The following CFAP20DC variants were observed in gnomAD, a reference collection of about 807,000 sequenced individuals.
CFAP20DC encodes protein CFAP20DC.
In CFAP20DC, 84 loss-of-function variants were observed where a neutral mutation model predicts 101.7. The ratio of observed to expected loss-of-function variants is 0.83; its 90% CI spans 0.69 to 0.99. CFAP20DC has a LOEUF of 0.99. CFAP20DC is among the 50% of genes least tolerant of loss of function. The pLI is 0.00. For missense variants in CFAP20DC, 1,007 were observed against 970.3 expected (o/e 1.04, Z -0.50); for synonymous variants, 359 against 351.2 (o/e 1.02, Z -0.25).
At chr3:58,942,211 A>T (rs551690900) in intron 4 of CFAP20DC, among the ~76,000 whole-genome samples, 3 of 152,208 alleles carry the variant, frequency 2.0e-5, no homozygotes, top group African/African-American at 7.2e-5. Flanking sequence ...TCTTGGAGGA[A>T]ATTTCAATTG....
At chr3:58,895,046 G>A (rs1159340964) in intron 6 of CFAP20DC, among the ~76,000 whole-genome samples, 1 of 152,200 alleles carries the variant, frequency 6.6e-6, no homozygotes, top group Non-Finnish European at 1.5e-5. Context: ...GGTGACCCTG[G>A]GCCTGGCCCA....
At chr3:58,747,386 A>G (rs2068277648) in intron 16 of CFAP20DC, among the ~76,000 whole-genome samples, 1 of 152,188 alleles carries the variant, frequency 6.6e-6, no homozygotes. Flanking sequence ...GTCAATTAAT[A>G]TAAATGTTTA....
intron 13 of CFAP20DC, among the ~76,000 whole-genome samples, chr3:58,841,327 T>C (rs570766965): frequency 1.3e-5 from 2 of 152,238 alleles, no homozygotes; most frequent in African/African-American, 2.4e-5. Context: ...GAGTGGCAAA[T>C]GGAAAGAGAG....
chr3:58,886,070 A>G (rs1340562234), intron 6 of CFAP20DC, among the ~76,000 whole-genome samples: 1 of 152,164 alleles, frequency 6.6e-6, no homozygotes, highest in Non-Finnish European at 1.5e-5. Context: ...GCAAGTGGGA[A>G]TATAAATTAG....
intron 15 of CFAP20DC, among the ~76,000 whole-genome samples, chr3:58,761,527 T>G (rs2069594867): frequency 6.6e-6 from 1 of 152,216 alleles, no homozygotes; most frequent in South Asian, 2.1e-4. Flanking sequence ...TTTTTGTGTC[T>G]CTATTTCCTT....
intron 15 of CFAP20DC, among the ~76,000 whole-genome samples, chr3:58,758,929 G>C (rs907291782): frequency 6.6e-6 from 1 of 151,992 alleles, no homozygotes; most frequent in Non-Finnish European, 1.5e-5. Context: ...TCTTAATCCA[G>C]TCTATCATTG....
chr3:58,992,704 A>C (rs2092981296), intron 4 of CFAP20DC: 2 of 246,910 alleles, frequency 8.1e-6, no homozygotes, highest in South Asian at 3.0e-4. Context: ...TAATGAAGAC[A>C]TTATATAAAA....
intron 15 of CFAP20DC, among the ~76,000 whole-genome samples, chr3:58,779,683 GA>G (rs1388543858): frequency 6.6e-6 from 1 of 152,064 alleles, no homozygotes; most frequent in Non-Finnish European, 1.5e-5. Context: ...GAATAAAAAA[GA>G]AGGAGCAAAA....
chr3:58,948,549 CCA>C (rs2089666655), intron 4 of CFAP20DC, among the ~76,000 whole-genome samples: 1 of 152,084 alleles, frequency 6.6e-6, no homozygotes, highest in Non-Finnish European at 1.5e-5. Flanking sequence ...CCCATATATT[CCA>C]GTTTTGTCAC....
At chr3:58,929,316 T>C (rs1157682105) in intron 5 of CFAP20DC, among the ~76,000 whole-genome samples, 1 of 152,340 alleles carries the variant, frequency 6.6e-6, no homozygotes, top group Non-Finnish European at 1.5e-5. Context: ...GTTAGTTAAC[T>C]GACAAGGGTG....
chr3:58,890,442 C>A (rs1439046973), intron 6 of CFAP20DC, among the ~76,000 whole-genome samples: 1 of 142,094 alleles, frequency 7.0e-6, no homozygotes, highest in African/African-American at 2.7e-5. Flanking sequence ...GGGGGCTGAC[C>A]CCCCCCACGT....
intron 4 of CFAP20DC, among the ~76,000 whole-genome samples, chr3:59,036,009 A>G (rs2094095702): frequency 6.6e-6 from 1 of 152,212 alleles, no homozygotes; most frequent in African/African-American, 2.4e-5. Context: ...ACGCAAATCA[A>G]TCAACATAAT....
chr3:59,034,780 C>A lies in CFAP20DC; in HGVS notation c.278+4777G>T, dbSNP rs144921820. On this transcript the variant is annotated intron_variant, in intron 4 of 16. Transcript: ENST00000482387. The stretch of plus-strand genomic sequence containing the variant: ...ACACCCCACTGTCAATATTAGACAG[C>A]TCAATGAGACAGAAAATTAACAAGG... Among the ~76,000 whole-genome samples, 15 of 152,110 alleles carry A rather than the reference C, an allele frequency of 9.9e-5. No individual in the cohort carries two copies. In the East Asian group the frequency reaches 2.1e-3, roughly 22 times the overall value.
intron 4 of CFAP20DC, among the ~76,000 whole-genome samples, chr3:58,979,137 A>T (rs1201929903): frequency 6.6e-6 from 1 of 152,174 alleles, no homozygotes; most frequent in Non-Finnish European, 1.5e-5. Flanking sequence ...AAGCAAAGAG[A>T]ATCACAAAAC....
At chr3:58,811,431 C>T (rs1216276728) in intron 14 of CFAP20DC, among the ~76,000 whole-genome samples, 1 of 151,900 alleles carries the variant, frequency 6.6e-6, no homozygotes, top group Non-Finnish European at 1.5e-5. Context: ...CTTTGACAAA[C>T]CTGAGAAAAA....
At chr3:59,021,960 C>T (rs1311463368) in intron 4 of CFAP20DC, among the ~76,000 whole-genome samples, 1 of 152,004 alleles carries the variant, frequency 6.6e-6, no homozygotes, top group Non-Finnish European at 1.5e-5. Context: ...CTGACCTTAA[C>T]AATCAAATGA....
chr3:58,926,641 C>A (rs889468554), intron 5 of CFAP20DC, among the ~76,000 whole-genome samples: 5 of 152,128 alleles, frequency 3.3e-5, no homozygotes, highest in African/African-American at 7.2e-5. Context: ...ACATCATTGG[C>A]TCTATGGGAA....
chr3:58,837,913 T>C (rs10510798), intron 13 of CFAP20DC, among the ~76,000 whole-genome samples: 8,684 of 152,198 alleles, frequency 0.057, 525 homozygotes, highest in East Asian at 0.35. Flanking sequence ...ATCTCCACAG[T>C]GACATTTTAA....
At chr3:58,804,294 T>C (rs529041606) in intron 15 of CFAP20DC, among the ~76,000 whole-genome samples, 8 of 152,150 alleles carry the variant, frequency 5.3e-5, no homozygotes, top group East Asian at 1.9e-4. Context: ...TCTCCTTTTA[T>C]TGAAACAAAT....
Sources: allele counts gnomAD v4.1 joint callset (sites outside exome capture counted in the v4.1 genomes callset), GRCh38; gene constraint gnomAD v4.1.1; transcripts MANE v1.5; gene names NCBI Gene and HGNC (gene_info 2026-07-23, HGNC 2026-07-21).